PSMD4: variants seen among roughly 807,000 people sequenced by gnomAD.
The protein encoded by PSMD4 is 26S proteasome non-ATPase regulatory subunit 4.
Under a neutral mutation model 39.7 loss-of-function variants are expected in PSMD4, and 5 were observed. That is an observed-to-expected ratio of 0.13 (90% CI 0.07 to 0.26). The LOEUF is 0.26. PSMD4 is among the 10% of genes least tolerant of loss of function. The pLI, the probability that PSMD4 is intolerant of heterozygous loss-of-function variation, is 1.00. For synonymous variants in PSMD4, 143 were observed against 174.6 expected, an observed-to-expected ratio of 0.82 and a Z score of 1.43; for missense variants, 272 against 486.1, an observed-to-expected ratio of 0.56 and a Z score of 4.14.
At chr1:151,256,541 T>C (rs1257306175) in intron 1 of PSMD4, among the ~76,000 whole-genome samples, 14 of 142,276 alleles carry the variant, frequency 9.8e-5, no homozygotes, top group South Asian at 2.3e-4. Flanking sequence ...CTGGTTCAAG[T>C]GATTCTCCTG....
intron 1 of PSMD4, among the ~76,000 whole-genome samples, chr1:151,257,133 A>C (rs1403670472): frequency 6.6e-6 from 1 of 152,228 alleles, no homozygotes; most frequent in African/African-American, 2.4e-5. Context: ...ATAAGAAAGG[A>C]GTCCAGCTTC....
At chr1:151,260,798 A>G (rs944726468) in intron 1 of PSMD4, among the ~76,000 whole-genome samples, 1 of 151,856 alleles carries the variant, frequency 6.6e-6, no homozygotes, top group Non-Finnish European at 1.5e-5. Context: ...CGGCCCCCCA[A>G]AGTGCTGGGA....
intron 1 of PSMD4, among the ~76,000 whole-genome samples, chr1:151,256,327 G>C (rs1183884397): frequency 7.6e-6 from 1 of 132,156 alleles, no homozygotes; most frequent in Non-Finnish European, 1.6e-5. Context: ...CTGGGCGACA[G>C]AGTGAGACTC....
chr1:151,265,004 A>T, intron 4 of PSMD4, 86 bp downstream of exon 4: 1 of 1,368,980 alleles, frequency 7.3e-7, no homozygotes, highest in Non-Finnish European at 1.0e-6. Flanking sequence ...TGGCAGAGGC[A>T]TCAGGCTCAT....
chr1:151,265,250 T>C lies in PSMD4; in HGVS notation c.438+16T>C, dbSNP rs754345744. The stretch of plus-strand genomic sequence containing the variant: ...TGGGGAAGAGGTGAGTAGGGACTGA[T>C]TGGAGGGCATTGACTTAATTTGGTC... On this transcript the variant is annotated intron_variant, in intron 5 of 9. Coordinates refer to ENST00000368884, the MANE Select transcript of PSMD4 (RefSeq NM_002810.4). 15 of 1,609,114 alleles carry C rather than the reference T, an allele frequency of 9.3e-6. No individual in the cohort carries two copies. Among genetic ancestry groups the C allele is most frequent in the Non-Finnish European group, 1.2e-5 (14 of 1,176,144 alleles).
At chr1:151,260,151 A>G (rs1693281316) in intron 1 of PSMD4, among the ~76,000 whole-genome samples, 1 of 151,828 alleles carries the variant, frequency 6.6e-6, no homozygotes, top group Non-Finnish European at 1.5e-5. Flanking sequence ...GTGAGCCGAG[A>G]TCGAGCCATT....
At chr1:151,262,626 A>G in intron 2 of PSMD4, 1 of 271,266 alleles carries the variant, frequency 3.7e-6, no homozygotes, top group Non-Finnish European at 7.2e-6. Context: ...TGTAATCCCA[A>G]GAGTTTGAGA....
intron 3 of PSMD4, 26 bp from the exon 4 acceptor site, chr1:151,264,806 C>CT: frequency 6.4e-7 from 1 of 1,567,164 alleles, no homozygotes; most frequent in Middle Eastern, 1.7e-4. Context: ...CTGGTTAACT[C>CT]TGAGAACTTC....
In PSMD4 at chr1:151,254,799, C is replaced by G; in HGVS notation, c.17C>G (p.Thr6Ser). The change falls in exon 1 of 10, where the codon ACT becomes AGT. Residue 6 changes from threonine to serine, a missense_variant. Coordinates refer to ENST00000368884, the MANE Select transcript of PSMD4 (RefSeq NM_002810.4). Reference sequence around the variant, plus strand: ...GGTGGCAAGATGGTGTTGGAAAGCACTATGGTGTGGTGAGGAGCTACTTCG... The same window carrying G: ...GGTGGCAAGATGGTGTTGGAAAGCAGTATGGTGTGGTGAGGAGCTACTTCG... MVLES[T>S]MVCVDNSEYM... 4 of 1,554,844 alleles carry G rather than the reference C, an allele frequency of 2.6e-6. No homozygotes were observed. Among genetic ancestry groups the G allele is most frequent in the Middle Eastern group, 1.7e-4 (1 of 5,910 alleles).
chr1:151,261,565 T>C (rs1693320596), intron 1 of PSMD4, among the ~76,000 whole-genome samples: 1 of 152,224 alleles, frequency 6.6e-6, no homozygotes, highest in African/African-American at 2.4e-5. Flanking sequence ...TGACAAAGCT[T>C]AGTAGCACTT....
intron 6 of PSMD4, among the ~76,000 whole-genome samples, 188 bp downstream of exon 6, chr1:151,265,797 T>C (rs1441341856): frequency 6.6e-6 from 1 of 152,248 alleles, no homozygotes; most frequent in Non-Finnish European, 1.5e-5. Context: ...TGTCAGATGC[T>C]TTCTTGTTCA....
Position 151,266,562 on chromosome 1 carries a change from C to A in PSMD4, c.938C>A (p.Ala313Asp). The stretch of plus-strand genomic sequence containing the variant: ...TCAGCAGACATTGATGCCAGCTCAG[C>A]TATGGACACATCTGAGCCAGCCAAG... ...AESADIDASS[A>D]MDTSEPAKEE... Residue 313 changes from alanine (A) to aspartate (D), a missense_variant, in exon 9 of 10, where the codon GCT (alanine) becomes GAT (aspartate). Around this residue, in one of 3 missense-constraint regions of PSMD4, gnomAD observed 113 missense variants for 184.6 expected, o/e 0.61. Coordinates refer to ENST00000368884, the MANE Select transcript of PSMD4 (RefSeq NM_002810.4). 2 of 1,614,206 alleles carry A rather than the reference C, an allele frequency of 1.2e-6. No homozygotes were observed. Among genetic ancestry groups the A allele is most frequent in the Non-Finnish European group, 1.7e-6 (2 of 1,180,036 alleles).
intron 9 of PSMD4, chr1:151,266,847 G>A (rs587698890): frequency 5.5e-6 from 4 of 722,886 alleles, no homozygotes; most frequent in African/African-American, 5.2e-5. Context: ...CTTCCCAGGA[G>A]GGAAAAAAGC....
chr1:151,255,469 C>T (rs908722664), intron 1 of PSMD4, among the ~76,000 whole-genome samples: 4 of 152,210 alleles, frequency 2.6e-5, no homozygotes, highest in Non-Finnish European at 5.9e-5. Flanking sequence ...GGTGAGGTAG[C>T]TCTCTTTGTC....
At chr1:151,266,721 AC>A (rs1693457912) in intron 9 of PSMD4, 134 bp downstream of exon 9, 1 of 1,095,078 alleles carries the variant, frequency 9.1e-7, no homozygotes, top group African/African-American at 1.6e-5. Flanking sequence ...TGCATTTCTT[AC>A]ATGTAAACCT....
At chr1:151,261,954 C>CAA (rs11370693) in intron 1 of PSMD4, among the ~76,000 whole-genome samples, 5,676 of 124,774 alleles carry the variant, frequency 0.045, 399 homozygotes, top group African/African-American at 0.14. Context: ...GACCCTATCT[C>CAA]AAAAAAAAAA....
At chr1:151,265,827 C>T (rs1693436988) in intron 6 of PSMD4, among the ~76,000 whole-genome samples, 177 bp from the exon 7 acceptor site, 1 of 152,200 alleles carries the variant, frequency 6.6e-6, no homozygotes, top group Non-Finnish European at 1.5e-5. Flanking sequence ...AAAACCGAGG[C>T]TTCTCCCAAG....
chr1:151,265,710 C>A, intron 6 of PSMD4, 101 bp downstream of exon 6: 2 of 1,255,670 alleles, frequency 1.6e-6, no homozygotes, highest in Non-Finnish European at 2.2e-6. Context: ...GTCCTAGACA[C>A]TACCAATCAC....
At chr1:151,266,464 T>C (rs1693451550) in intron 8 of PSMD4, 25 bp downstream of exon 8, 1 of 1,614,052 alleles carries the variant, frequency 6.2e-7, no homozygotes, top group Non-Finnish European at 8.5e-7. Flanking sequence ...GGGTGGTGCC[T>C]AGGCAGAGGT....
Sources: allele counts gnomAD v4.1 joint callset (sites outside exome capture counted in the v4.1 genomes callset), GRCh38; gene constraint gnomAD v4.1.1; regional missense constraint gnomAD v4.1.1; transcripts MANE v1.5; gene names NCBI Gene and HGNC (gene_info 2026-07-23, HGNC 2026-07-21).